Variants in PAPSS1 observed in about 807,000 individuals in gnomAD.
The protein encoded by PAPSS1 is 3'-phosphoadenosine 5'-phosphosulfate synthase 1.
A neutral mutation model predicts 72.0 loss-of-function variants in PAPSS1; 50 were observed. That is an observed-to-expected ratio of 0.69 (90% CI 0.55 to 0.88). The LOEUF (loss-of-function observed/expected upper bound fraction) is 0.88. Ranked by LOEUF, PAPSS1 falls within the 40% of genes least tolerant of loss-of-function variation. The pLI, the probability that PAPSS1 is intolerant of heterozygous loss-of-function variation, is 0.00. For missense variants in PAPSS1, 657 were observed against 782.2 expected (o/e 0.84, Z 1.91); for synonymous variants, 261 against 263.6 (o/e 0.99, Z 0.09).
chr4:107,716,769 T>G (rs1231817026), intron 1 of PAPSS1, among the ~76,000 whole-genome samples: 1 of 152,244 alleles, frequency 6.6e-6, no homozygotes, highest in Non-Finnish European at 1.5e-5. Flanking sequence ...TTCTTTACTA[T>G]TCCCACAGGT....
chr4:107,632,862 A>G (rs889297357), intron 10 of PAPSS1, among the ~76,000 whole-genome samples: 2 of 152,230 alleles, frequency 1.3e-5, no homozygotes, highest in Admixed American at 6.5e-5. Flanking sequence ...GGTATAAATG[A>G]TAACCACTAC....
intron 1 of PAPSS1, among the ~76,000 whole-genome samples, chr4:107,715,758 AAT>A (rs1723622865): frequency 6.6e-6 from 1 of 152,230 alleles, no homozygotes; most frequent in Non-Finnish European, 1.5e-5. Flanking sequence ...TTAAGTGTTA[AAT>A]ATTTGAGGAG....
chr4:107,677,561 A>C (rs1305975519), intron 5 of PAPSS1, among the ~76,000 whole-genome samples: 1 of 152,230 alleles, frequency 6.6e-6, no homozygotes, highest in African/African-American at 2.4e-5. Flanking sequence ...GATGTGGAGA[A>C]ATAGGAACAC....
At chr4:107,633,838 G>C (rs931154072) in intron 10 of PAPSS1, among the ~76,000 whole-genome samples, 2 of 147,820 alleles carry the variant, frequency 1.4e-5, no homozygotes, top group African/African-American at 2.5e-5. Flanking sequence ...AGAATGGCGT[G>C]AACCCGGGAG....
At position 107,697,226 on chromosome 4, in the gene PAPSS1, C is replaced by T. The variant is rs564865123; in HGVS notation, c.176-3220G>A. The stretch of plus-strand genomic sequence containing the variant: ...CAGCTGAAACTTCAGATGACTGTGG[C>T]CCAGGCCAGCATGACAACAACCAAG... On this transcript the variant is annotated intron_variant, in intron 2 of 11. Coordinates refer to ENST00000265174, the MANE Select transcript of PAPSS1 (RefSeq NM_005443.5). Among the ~76,000 whole-genome samples, 7 of 152,340 alleles carry T rather than the reference C, an allele frequency of 4.6e-5. No individual in the cohort carries two copies. The South Asian group carries it at 1.4e-3, about 32-fold the overall frequency.
intron 5 of PAPSS1, among the ~76,000 whole-genome samples, chr4:107,665,458 A>T (rs1727291053): frequency 6.6e-6 from 1 of 152,210 alleles, no homozygotes; most frequent in African/African-American, 2.4e-5. Context: ...TTCAATTTGT[A>T]CATATAAAAC....
At chr4:107,638,093 C>T (rs1726436004) in intron 10 of PAPSS1, among the ~76,000 whole-genome samples, 1 of 152,186 alleles carries the variant, frequency 6.6e-6, no homozygotes, top group South Asian at 2.1e-4. Flanking sequence ...GATACTGTGG[C>T]TTTTGGTCTT....
intron 5 of PAPSS1, among the ~76,000 whole-genome samples, chr4:107,662,852 C>A (rs1382246652): frequency 1.3e-5 from 2 of 152,138 alleles, no homozygotes; most frequent in African/African-American, 4.8e-5. Flanking sequence ...GCAGTCTGTG[C>A]AAAGCCTATT....
At chr4:107,714,040 C>G (rs1362442930) in intron 1 of PAPSS1, among the ~76,000 whole-genome samples, 3 of 152,144 alleles carry the variant, frequency 2.0e-5, no homozygotes, top group African/African-American at 7.2e-5. Context: ...CTTCTGAACC[C>G]TCTTTCAACT....
At chr4:107,683,009 A>G (rs1481221979) in intron 4 of PAPSS1, among the ~76,000 whole-genome samples, 1 of 152,222 alleles carries the variant, frequency 6.6e-6, no homozygotes, top group Non-Finnish European at 1.5e-5. Context: ...TGCTAAGAAA[A>G]GAGCAAATAG....
Position 107,621,608 on chromosome 4 carries a change from CTTTTTTTTTTTTTTTT to C in PAPSS1, c.1737-7237_1737-7222del, listed in dbSNP as rs10670438. 3.1e-4 allele frequency among the ~76,000 whole-genome samples: 15 copies of C among 48,152 alleles called. No individual in the cohort carries two copies. In the South Asian group the frequency reaches 8.6e-3, roughly 28 times the overall value. 31.6% of individuals were successfully genotyped at this position (48,152 alleles called of 152,430 possible). On this transcript the variant is annotated intron_variant, in intron 11 of 11. Transcript: ENST00000265174. The stretch of plus-strand genomic sequence containing the variant: ...CTTTCTAGGAAGACAGGTTTTTTAT[CTTTTTTTTTTTTTTTT>C]TTTTTTTTTTTTTTGAGAAGGAGTC...
At chr4:107,670,546 A>T (rs1456172966) in intron 5 of PAPSS1, among the ~76,000 whole-genome samples, 1 of 152,058 alleles carries the variant, frequency 6.6e-6, no homozygotes, top group Non-Finnish European at 1.5e-5. Context: ...TATTTTATTT[A>T]TTTTTTATTT....
intron 1 of PAPSS1, 73 bp downstream of exon 1, chr4:107,720,047 G>A: frequency 6.6e-7 from 1 of 1,508,898 alleles, no homozygotes; most frequent in Non-Finnish European, 8.8e-7. Flanking sequence ...GCGGGAGAGA[G>A]GCGGCGGCTC....
intron 5 of PAPSS1, among the ~76,000 whole-genome samples, chr4:107,677,589 G>A (rs928236863): frequency 6.6e-6 from 1 of 152,198 alleles, no homozygotes; most frequent in Non-Finnish European, 1.5e-5. Context: ...CTGTTGGTGG[G>A]ACTATAAACT....
intron 5 of PAPSS1, among the ~76,000 whole-genome samples, chr4:107,674,345 A>C (rs1240280010): frequency 3.9e-5 from 6 of 152,222 alleles, no homozygotes; most frequent in African/African-American, 1.4e-4. Flanking sequence ...AAGATCTACC[A>C]AGCAAATGGA....
intron 1 of PAPSS1, among the ~76,000 whole-genome samples, chr4:107,701,909 T>C (rs1333631285): frequency 2.7e-5 from 4 of 150,858 alleles, no homozygotes; most frequent in African/African-American, 9.8e-5. Flanking sequence ...TATCATGAGA[T>C]AGCTACTTCT....
At position 107,711,396 on chromosome 4, in the gene PAPSS1, G is replaced by A. The variant is rs574721165; in HGVS notation, c.60+8724C>T. Among the ~76,000 whole-genome samples, 4 of 152,060 alleles carry A rather than the reference G, an allele frequency of 2.6e-5. No homozygotes were observed. In the South Asian group the frequency reaches 6.2e-4, roughly 24 times the overall value. On this transcript the variant is annotated intron_variant, in intron 1 of 11. Coordinates refer to ENST00000265174, the MANE Select transcript of PAPSS1 (RefSeq NM_005443.5). Reference sequence around the variant, plus strand: ...GACCCATCTTAATTTCCACATGGCCGTTTTGTTATTTTATCCACTTGCCTG... The same window carrying A: ...GACCCATCTTAATTTCCACATGGCCATTTTGTTATTTTATCCACTTGCCTG...
At chr4:107,696,303 G>A (rs972540075) in intron 2 of PAPSS1, among the ~76,000 whole-genome samples, 1 of 152,090 alleles carries the variant, frequency 6.6e-6, no homozygotes, top group African/African-American at 2.4e-5. Flanking sequence ...ATTTACAATA[G>A]CAAAAACATG....
chr4:107,675,297 TAAAG>T (rs1231321292), intron 5 of PAPSS1, among the ~76,000 whole-genome samples: 1 of 151,524 alleles, frequency 6.6e-6, no homozygotes, highest in Non-Finnish European at 1.5e-5. Flanking sequence ...ACAAGACTAA[TAAAG>T]AAGAAAGGAG....
Sources: allele counts gnomAD v4.1 joint callset (sites outside exome capture counted in the v4.1 genomes callset), GRCh38; gene constraint gnomAD v4.1.1; transcripts MANE v1.5; gene names NCBI Gene and HGNC (gene_info 2026-07-23, HGNC 2026-07-21).